Variants in WDPCP observed in about 807,000 individuals in gnomAD.
WDPCP encodes WD repeat-containing and planar cell polarity effector protein fritz homolog.
In WDPCP, 71 loss-of-function variants were observed where a neutral mutation model predicts 93.1. The ratio of observed to expected loss-of-function variants is 0.76; its 90% CI spans 0.63 to 0.93. The LOEUF (loss-of-function observed/expected upper bound fraction) is 0.93. Among genes scored for constraint, WDPCP ranks in the 40% least tolerant of loss-of-function variants. WDPCP has a pLI of 0.00. For missense variants in WDPCP, 844 were observed against 887.4 expected (o/e 0.95, Z 0.62); for synonymous variants, 315 against 315.0 (o/e 1.00, Z 0.00).
chr2:63,780,496 CATT>C (rs1459440852), intron 2 of WDPCP, among the ~76,000 whole-genome samples: 5 of 152,114 alleles, frequency 3.3e-5, no homozygotes, highest in African/African-American at 4.8e-5. Context: ...CCAAGCTGAA[CATT>C]ATTATCCTCA....
intron 14 of WDPCP, among the ~76,000 whole-genome samples, chr2:63,186,476 C>G (rs922564667): frequency 2.6e-5 from 4 of 152,210 alleles, no homozygotes; most frequent in Non-Finnish European, 5.9e-5. Flanking sequence ...AGAAGAGCAT[C>G]CTCCTGTTAG....
At chr2:63,498,247 G>C (rs1701344343) in intron 1 of WDPCP, among the ~76,000 whole-genome samples, 1 of 152,092 alleles carries the variant, frequency 6.6e-6, no homozygotes, top group African/African-American at 2.4e-5. Flanking sequence ...AGGCATTGAT[G>C]ACAGTCTCAG....
chr2:63,280,373 A>G (rs1683438083), intron 13 of WDPCP, among the ~76,000 whole-genome samples: 1 of 152,174 alleles, frequency 6.6e-6, no homozygotes, highest in Admixed American at 6.5e-5. Flanking sequence ...ATTCACTATC[A>G]CAAGAATAGC....
chr2:63,820,491 C>G (rs1181179957), intron 1 of WDPCP, among the ~76,000 whole-genome samples: 1 of 152,102 alleles, frequency 6.6e-6, no homozygotes, highest in Non-Finnish European at 1.5e-5. Context: ...TTTTTGAGAG[C>G]AGGCAGTAAG....
chr2:63,492,367 T>A (rs1166479023), intron 2 of WDPCP, among the ~76,000 whole-genome samples: 3 of 152,054 alleles, frequency 2.0e-5, no homozygotes, highest in African/African-American at 7.2e-5. Flanking sequence ...ATGTTTGAAA[T>A]GTTATTTTAA....
At chr2:63,551,210 G>C (rs527391734) in intron 1 of WDPCP, among the ~76,000 whole-genome samples, 69 of 136,122 alleles carry the variant, frequency 5.1e-4, no homozygotes, top group African/African-American at 1.9e-3. Flanking sequence ...AATTAGCTTA[G>C]CTTTCATTTA....
chr2:63,764,703 G>A (rs1194849964), intron 2 of WDPCP, among the ~76,000 whole-genome samples: 2 of 152,072 alleles, frequency 1.3e-5, no homozygotes, highest in African/African-American at 4.8e-5. Context: ...GCTGGTAAAG[G>A]GGCTTTCGTT....
chr2:63,415,425 T>C (rs1695346659), intron 9 of WDPCP, among the ~76,000 whole-genome samples: 1 of 152,116 alleles, frequency 6.6e-6, no homozygotes, highest in Non-Finnish European at 1.5e-5. Flanking sequence ...TCACCAATAA[T>C]AATAGTAGTA....
chr2:63,208,796 G>A (rs1676532404), intron 14 of WDPCP, among the ~76,000 whole-genome samples: 1 of 152,168 alleles, frequency 6.6e-6, no homozygotes, highest in Non-Finnish European at 1.5e-5. Context: ...GTTTGTGTGA[G>A]ACTCTGCTTT....
At chr2:63,226,900 A>AAGTT (rs1678339373) in intron 14 of WDPCP, among the ~76,000 whole-genome samples, 1 of 151,982 alleles carries the variant, frequency 6.6e-6, no homozygotes, top group Non-Finnish European at 1.5e-5. Flanking sequence ...AACTAATTGA[A>AAGTT]AGTTAACAGA....
At chr2:63,773,045 G>T (rs1670251663) in intron 2 of WDPCP, among the ~76,000 whole-genome samples, 1 of 151,804 alleles carries the variant, frequency 6.6e-6, no homozygotes, top group African/African-American at 2.4e-5. Context: ...AAATCCAAAA[G>T]AATCTTTAGA....
intron 2 of WDPCP, among the ~76,000 whole-genome samples, chr2:63,727,208 G>A (rs564341483): frequency 1.3e-5 from 2 of 152,238 alleles, no homozygotes; most frequent in East Asian, 3.9e-4. Context: ...TTATTATTTT[G>A]AGGTACGTTC....
At chr2:63,131,654 G>A (rs1415579866) in intron 17 of WDPCP, among the ~76,000 whole-genome samples, 1 of 151,848 alleles carries the variant, frequency 6.6e-6, no homozygotes. Flanking sequence ...ACCTTTAATG[G>A]AGAACATTAT....
chr2:63,625,021 C>T (rs935588361), intron 3 of WDPCP, among the ~76,000 whole-genome samples: 20 of 152,112 alleles, frequency 1.3e-4, no homozygotes, highest in Admixed American at 1.0e-3. Context: ...AGGCTGGTTC[C>T]ACATATGCAA....
At chr2:63,354,640 C>CCA (rs1689871513) in intron 12 of WDPCP, among the ~76,000 whole-genome samples, 1 of 151,888 alleles carries the variant, frequency 6.6e-6, no homozygotes, top group South Asian at 2.1e-4. Flanking sequence ...ACCCACACCC[C>CCA]CACACACATA....
intron 3 of WDPCP, among the ~76,000 whole-genome samples, chr2:63,613,569 C>A (rs1049984785): frequency 4.6e-5 from 7 of 152,192 alleles, no homozygotes; most frequent in Non-Finnish European, 8.8e-5. Flanking sequence ...CCAAAAAGAA[C>A]CCCAGATGCT....
chr2:63,779,802 C>G (rs60683040), intron 2 of WDPCP, among the ~76,000 whole-genome samples: 1,979 of 152,228 alleles, frequency 0.013, 48 homozygotes, highest in African/African-American at 0.046. Flanking sequence ...TAAAAAAACC[C>G]TTAAACCTCA....
chr2:63,760,286 C>T (rs780677336), intron 2 of WDPCP, among the ~76,000 whole-genome samples: 28 of 152,128 alleles, frequency 1.8e-4, no homozygotes, highest in African/African-American at 6.3e-4. Context: ...GAGTTTAATA[C>T]GACACCCAGA....
chr2:63,181,945 G>A (rs1674276572), intron 14 of WDPCP, among the ~76,000 whole-genome samples: 1 of 151,720 alleles, frequency 6.6e-6, no homozygotes, highest in Non-Finnish European at 1.5e-5. Context: ...TGTAGCTATT[G>A]TAGTTCTTGA....
Sources: allele counts gnomAD v4.1 joint callset (sites outside exome capture counted in the v4.1 genomes callset), GRCh38; gene constraint gnomAD v4.1.1; transcripts MANE v1.5; gene names NCBI Gene and HGNC (gene_info 2026-07-23, HGNC 2026-07-21).